NEGR1: variants seen among roughly 807,000 people sequenced by gnomAD.
NEGR1 encodes the protein neuronal growth regulator 1, also known as IgLON family member 4.
NEGR1 carries 10 observed loss-of-function variants against 40.9 expected under a neutral mutation model. That is an observed-to-expected ratio of 0.24 (90% confidence interval 0.15 to 0.42). The LOEUF (loss-of-function observed/expected upper bound fraction) is 0.42. Ranked by LOEUF, NEGR1 falls within the 10% of genes least tolerant of loss-of-function variation. The pLI, the probability that NEGR1 is intolerant of heterozygous loss-of-function variation, is 1.00. For missense variants in NEGR1, 352 were observed against 438.9 expected, an observed-to-expected ratio of 0.80 and a Z score of 1.77; for synonymous variants, 185 against 166.8, an observed-to-expected ratio of 1.11 and a Z score of -0.84.
At chr1:71,868,896 G>A (rs1035557714) in intron 2 of NEGR1, among the ~76,000 whole-genome samples, 5 of 151,658 alleles carry the variant, frequency 3.3e-5, no homozygotes, top group Admixed American at 1.3e-4. Flanking sequence ...CCCCCAATAT[G>A]TATGTACATA....
intron 4 of NEGR1, among the ~76,000 whole-genome samples, chr1:71,674,753 T>C (rs191743591): frequency 4.1e-4 from 62 of 152,264 alleles, no homozygotes; most frequent in Non-Finnish European, 6.3e-4. Flanking sequence ...CATTCTTTGA[T>C]GTCACTCAGA....
At chr1:71,695,666 C>T (rs1209781362) in intron 4 of NEGR1, among the ~76,000 whole-genome samples, 1 of 151,784 alleles carries the variant, frequency 6.6e-6, no homozygotes, top group East Asian at 1.9e-4. Flanking sequence ...CTCAAATGTT[C>T]CAGCTCCCAT....
intron 1 of NEGR1, among the ~76,000 whole-genome samples, chr1:72,155,566 T>C (rs993339999): frequency 6.6e-6 from 1 of 152,124 alleles, no homozygotes; most frequent in Non-Finnish European, 1.5e-5. Context: ...AGGTTATTAA[T>C]TGAAAATAAA....
At chr1:71,988,284 G>T (rs1646417141) in intron 1 of NEGR1, among the ~76,000 whole-genome samples, 1 of 152,186 alleles carries the variant, frequency 6.6e-6, no homozygotes, top group Admixed American at 6.5e-5. Flanking sequence ...ATGCTATGAA[G>T]AGTAAAGGAG....
chr1:71,506,642 T>C (rs973065303), intron 6 of NEGR1, among the ~76,000 whole-genome samples: 1 of 152,160 alleles, frequency 6.6e-6, no homozygotes, highest in Non-Finnish European at 1.5e-5. Context: ...TCCTGCCAGT[T>C]TCCTATGGAA....
chr1:72,003,153 C>G (rs1010617860), intron 1 of NEGR1, among the ~76,000 whole-genome samples: 2 of 151,848 alleles, frequency 1.3e-5, no homozygotes, highest in African/African-American at 4.8e-5. Context: ...TCAGGAATAA[C>G]CTAAAGTATG....
At chr1:71,943,368 ATT>A (rs1645990188) in intron 1 of NEGR1, among the ~76,000 whole-genome samples, 1 of 151,016 alleles carries the variant, frequency 6.6e-6, no homozygotes, top group Non-Finnish European at 1.5e-5. Context: ...TATATATAAC[ATT>A]TTAAATGCCT....
intron 2 of NEGR1, among the ~76,000 whole-genome samples, chr1:71,898,963 G>GAA (rs1661058232): frequency 2.6e-5 from 1 of 38,326 alleles, no homozygotes; most frequent in Non-Finnish European, 4.7e-5. Context: ...TATATATATA[G>GAA]CATATATATA....
At chr1:71,442,769 G>T (rs1646556530) in intron 6 of NEGR1, among the ~76,000 whole-genome samples, 1 of 152,188 alleles carries the variant, frequency 6.6e-6, no homozygotes, top group South Asian at 2.1e-4. Context: ...GTAATTCTGA[G>T]ACAACAGTAG....
At chr1:72,025,063 T>C (rs1468280557) in intron 1 of NEGR1, among the ~76,000 whole-genome samples, 4 of 152,188 alleles carry the variant, frequency 2.6e-5, no homozygotes, top group African/African-American at 4.8e-5. Flanking sequence ...TTCAATTTTC[T>C]ACAAATGAAT....
chr1:71,663,566 A>T (rs1286718218), intron 4 of NEGR1, among the ~76,000 whole-genome samples: 2 of 152,122 alleles, frequency 1.3e-5, no homozygotes, highest in African/African-American at 4.8e-5. Context: ...ATCCCATTGA[A>T]TTATTTTTGC....
chr1:72,205,944 A>G (rs897927597), intron 1 of NEGR1, among the ~76,000 whole-genome samples: 1 of 135,388 alleles, frequency 7.4e-6, no homozygotes, highest in African/African-American at 3.3e-5. Flanking sequence ...CTCTGTCTCA[A>G]AAAAAAAAAA....
chr1:72,010,269 G>A (rs530569968), intron 1 of NEGR1, among the ~76,000 whole-genome samples: 2 of 152,236 alleles, frequency 1.3e-5, no homozygotes, highest in Non-Finnish European at 2.9e-5. Context: ...TCATGACTGT[G>A]AGATAGGTCA....
At chr1:71,756,407 C>CA (rs869043335) in intron 3 of NEGR1, among the ~76,000 whole-genome samples, 2 of 45,740 alleles carry the variant, frequency 4.4e-5, no homozygotes, top group Non-Finnish European at 8.6e-5. Context: ...AAAACAAAAA[C>CA]AAACAAAAAA....
At chr1:71,626,760 T>C (rs1650796777) in intron 4 of NEGR1, among the ~76,000 whole-genome samples, 1 of 151,830 alleles carries the variant, frequency 6.6e-6, no homozygotes, top group African/African-American at 2.4e-5. Flanking sequence ...AAGGACTAAT[T>C]AATATCCAGA....
intron 4 of NEGR1, among the ~76,000 whole-genome samples, chr1:71,640,347 C>G (rs1269209933): frequency 6.6e-6 from 1 of 151,946 alleles, no homozygotes; most frequent in African/African-American, 2.4e-5. Context: ...CATGGAGCTC[C>G]CTCGAAACTG....
intron 3 of NEGR1, among the ~76,000 whole-genome samples, chr1:71,771,279 C>G (rs956310350): frequency 6.6e-6 from 1 of 152,084 alleles, no homozygotes; most frequent in South Asian, 2.1e-4. Flanking sequence ...AGGGGAGCAT[C>G]ACACACTGGG....
At chr1:72,189,953 C>T (rs6672863) in intron 1 of NEGR1, among the ~76,000 whole-genome samples, 19,501 of 151,440 alleles carry the variant, frequency 0.13, 1,652 homozygotes, top group Non-Finnish European at 0.19. Flanking sequence ...AATATCCTTT[C>T]ATTTCTTTCC....
intron 1 of NEGR1, among the ~76,000 whole-genome samples, chr1:72,059,809 G>A (rs1647149780): frequency 6.6e-6 from 1 of 151,524 alleles, no homozygotes; most frequent in Non-Finnish European, 1.5e-5. Context: ...TTTAATAAAT[G>A]TATACATTAT....
Sources: gnomAD v4.1 joint callset for allele counts (sites outside exome capture counted in the v4.1 genomes callset) on GRCh38, gnomAD v4.1.1 for gene constraint, MANE v1.5 for transcripts, NCBI Gene and HGNC (gene_info 2026-07-23, HGNC 2026-07-21) for gene names.